Variants in ZNF804A observed in about 807,000 individuals in gnomAD.
ZNF804A encodes the protein zinc finger protein 804A.
In ZNF804A, 2 loss-of-function variants were observed where a neutral mutation model predicts 16.5. The observed-to-expected ratio is 0.12, with a 90% CI of 0.05 to 0.38. ZNF804A has a LOEUF of 0.38. Ranked by LOEUF, ZNF804A falls within the 10% of genes least tolerant of loss-of-function variation. The pLI is 0.99. For missense variants in ZNF804A, 1,473 were observed against 1,390.7 expected (o/e 1.06, Z -0.94); for synonymous variants, 534 against 489.6 (o/e 1.09, Z -1.20).
At chr2:184,825,496 A>ATG (rs1006247843) in intron 1 of ZNF804A, among the ~76,000 whole-genome samples, 5 of 151,778 alleles carry the variant, frequency 3.3e-5, no homozygotes, top group African/African-American at 9.7e-5. Context: ...ATGTGTGTGC[A>ATG]TGTGTGTGTG....
chr2:184,904,859 T>C (rs1171351425), intron 2 of ZNF804A, among the ~76,000 whole-genome samples: 2 of 152,096 alleles, frequency 1.3e-5, no homozygotes, highest in African/African-American at 4.8e-5. Context: ...GAGACAATGC[T>C]TTCTTCTGTC....
At chr2:184,857,116 C>G (rs1170158215) in intron 1 of ZNF804A, among the ~76,000 whole-genome samples, 1 of 151,966 alleles carries the variant, frequency 6.6e-6, no homozygotes, top group Non-Finnish European at 1.5e-5. Flanking sequence ...TTGCTACCAA[C>G]TTTCCTCTTT....
intron 1 of ZNF804A, among the ~76,000 whole-genome samples, chr2:184,605,578 C>A (rs1180990011): frequency 6.6e-6 from 1 of 151,860 alleles, no homozygotes; most frequent in African/African-American, 2.4e-5. Context: ...CCATTATTCC[C>A]TAAATAATAC....
intron 2 of ZNF804A, among the ~76,000 whole-genome samples, chr2:184,915,467 T>G (rs964147001): frequency 4.6e-5 from 7 of 152,098 alleles, no homozygotes; most frequent in African/African-American, 1.4e-4. Context: ...GAGTTTCTAT[T>G]ACTCTCACTG....
At chr2:184,859,196 C>T (rs1001474387) in intron 1 of ZNF804A, among the ~76,000 whole-genome samples, 2 of 151,972 alleles carry the variant, frequency 1.3e-5, no homozygotes, top group African/African-American at 4.8e-5. Context: ...TAAAAGTAAT[C>T]TTTCTACCCT....
chr2:184,928,477 G>A (rs1039380712), intron 2 of ZNF804A, among the ~76,000 whole-genome samples: 2 of 152,128 alleles, frequency 1.3e-5, no homozygotes, highest in Non-Finnish European at 2.9e-5. Context: ...GGTTAGGGGA[G>A]GGGGAGGAGT....
chr2:184,767,887 G>A (rs902043892), intron 1 of ZNF804A, among the ~76,000 whole-genome samples: 4 of 151,934 alleles, frequency 2.6e-5, no homozygotes, highest in Non-Finnish European at 4.4e-5. Flanking sequence ...AAATCTGTTC[G>A]CTACTAAAGC....
rs370279790 is a variant in ZNF804A, at chr2:184,617,343, T to C, written c.111+18273T>C. On this transcript the variant is annotated intron_variant, in intron 1 of 3. Coordinates refer to ENST00000302277, the MANE Select transcript of ZNF804A (RefSeq NM_194250.2). ...ATAATAATGCATTCATAGTATTCAA[T>C]AATTTACAATGTATGCTGTTTTTTA... is the stretch of plus-strand genomic sequence containing the variant. Among the ~76,000 whole-genome samples, 18 of 152,202 alleles carry C rather than the reference T, an allele frequency of 1.2e-4. No homozygotes were observed. The South Asian group carries it at 3.3e-3, about 28-fold the overall frequency.
At chr2:184,887,366 A>T (rs1684909441) in intron 2 of ZNF804A, among the ~76,000 whole-genome samples, 1 of 152,218 alleles carries the variant, frequency 6.6e-6, no homozygotes, top group Admixed American at 6.5e-5. Context: ...AAACTTTCCC[A>T]CATTTTCCTG....
rs557028246 is a variant in ZNF804A at position 184,612,782 on chromosome 2, AG to A, written c.111+13714del. Among the ~76,000 whole-genome samples, 211 of 152,330 alleles carry A rather than the reference AG, an allele frequency of 1.4e-3. 4 individuals are homozygous for A. The highest frequency in any genetic ancestry group is 0.012 in the Admixed American group (188 of 15,296). On this transcript the variant is annotated intron_variant, in intron 1 of 3. Coordinates refer to ENST00000302277, the MANE Select transcript of ZNF804A (RefSeq NM_194250.2). ...TCAAAAACACACAAAGCTTTTTCACAGGTAGACTGATAGTAATAGAATTTCA... is the reference window on the plus strand; with the variant it reads ...TCAAAAACACACAAAGCTTTTTCACAGTAGACTGATAGTAATAGAATTTCA...
At chr2:184,754,645 T>A (rs1418637568) in intron 1 of ZNF804A, among the ~76,000 whole-genome samples, 1 of 151,930 alleles carries the variant, frequency 6.6e-6, no homozygotes, top group Non-Finnish European at 1.5e-5. Context: ...TCAGCTTTGT[T>A]TTTTCTTTGA....
chr2:184,693,117 A>G (rs1347667867), intron 1 of ZNF804A, among the ~76,000 whole-genome samples: 1 of 152,182 alleles, frequency 6.6e-6, no homozygotes, highest in East Asian at 1.9e-4. Context: ...GGGTTAGAAC[A>G]TATATTATTT....
chr2:184,795,343 G>A (rs2887515), intron 1 of ZNF804A, among the ~76,000 whole-genome samples: 5,555 of 152,044 alleles, frequency 0.037, 332 homozygotes, highest in African/African-American at 0.12. Context: ...ACAAAATCAA[G>A]GTGGAAATTA....
intron 1 of ZNF804A, among the ~76,000 whole-genome samples, chr2:184,798,937 G>A (rs1365655215): frequency 6.6e-6 from 1 of 152,032 alleles, no homozygotes; most frequent in South Asian, 2.1e-4. Context: ...CCTTGATGTT[G>A]TAGTCTCCTC....
intron 1 of ZNF804A, among the ~76,000 whole-genome samples, chr2:184,714,005 A>G (rs1026391018): frequency 4.6e-5 from 7 of 152,030 alleles, no homozygotes; most frequent in Non-Finnish European, 7.4e-5. Flanking sequence ...ATTTTGTTTA[A>G]AAACACCGGT....
At chr2:184,727,393 G>T (rs1027294931) in intron 1 of ZNF804A, among the ~76,000 whole-genome samples, 1 of 151,480 alleles carries the variant, frequency 6.6e-6, no homozygotes, top group African/African-American at 2.4e-5. Flanking sequence ...ACATATCAGA[G>T]TCATTAAATA....
chr2:184,692,716 A>G (rs910181545), intron 1 of ZNF804A, among the ~76,000 whole-genome samples: 1 of 152,206 alleles, frequency 6.6e-6, no homozygotes, highest in African/African-American at 2.4e-5. Flanking sequence ...TGAAGGATCC[A>G]TTTAACAATT....
chr2:184,789,381 T>C (rs1694497525), intron 1 of ZNF804A, among the ~76,000 whole-genome samples: 1 of 152,090 alleles, frequency 6.6e-6, no homozygotes. Context: ...TTCTCCTTGA[T>C]TTTTCGGAAT....
intron 2 of ZNF804A, among the ~76,000 whole-genome samples, chr2:184,919,570 G>A (rs191096756): frequency 2.5e-4 from 38 of 152,248 alleles, no homozygotes; most frequent in East Asian, 5.8e-4. Context: ...GGACACAAAC[G>A]TCTTCCTGTT....
Sources: gnomAD v4.1 joint callset for allele counts (sites outside exome capture counted in the v4.1 genomes callset) on GRCh38, gnomAD v4.1.1 for gene constraint, MANE v1.5 for transcripts, NCBI Gene and HGNC (gene_info 2026-07-23, HGNC 2026-07-21) for gene names.